The following DNAAF4 variants were observed in gnomAD, a reference collection of about 807,000 sequenced individuals.
DNAAF4 encodes the protein dynein axonemal assembly factor 4.
Under a neutral mutation model 51.8 loss-of-function variants are expected in DNAAF4, and 43 were observed. The observed-to-expected ratio is 0.83, with a 90% CI of 0.65 to 1.07. The LOEUF is 1.07. DNAAF4 is among the 50% of genes least tolerant of loss of function. The pLI, the probability that DNAAF4 is intolerant of heterozygous loss-of-function variation, is 0.00. For missense variants in DNAAF4, 581 were observed against 493.0 expected, an observed-to-expected ratio of 1.18 and a Z score of -1.69; for synonymous variants, 194 against 165.6, an observed-to-expected ratio of 1.17 and a Z score of -1.32.
Position 55,497,771 on chromosome 15 carries a change from A to C in DNAAF4, c.212T>G (p.Ile71Ser). 1 of 1,614,132 alleles carries C rather than the reference A, an allele frequency of 6.2e-7. No individual in the cohort carries two copies. Among genetic ancestry groups the C allele is most frequent in the Non-Finnish European group, 8.5e-7 (1 of 1,180,018 alleles). ...TTCTTTTTTATACAAGGTGAAGACA[A>C]TGGTGTCATTCCCAATCTTTGCTTT... is the stretch of plus-strand genomic sequence containing the variant. ...SSKAKIGNDT[I>S]VFTLYKKEAA... Residue 71 changes from isoleucine to serine, a missense_variant, in exon 3 of 10, where the codon ATT becomes AGT. Coordinates refer to ENST00000321149, the MANE Select transcript of DNAAF4 (RefSeq NM_130810.4).
In DNAAF4 at chr15:55,431,512, T is replaced by A. The variant is rs558734062; in HGVS notation, c.1154-733A>T. 1.3e-3 allele frequency among the ~76,000 whole-genome samples: 202 copies of A among 150,710 alleles called. 3 individuals carry two copies. The South Asian group carries it at 0.019, about 14-fold the overall frequency. On this transcript the variant is annotated intron_variant, in intron 9 of 9. Coordinates refer to ENST00000321149, the MANE Select transcript of DNAAF4 (RefSeq NM_130810.4). ...TTTTTGGAGACAGAGTCTTGCTCTG[T>A]CACCCAGGCTGTAGCGCAGTGGCGT...
intron 6 of DNAAF4, among the ~76,000 whole-genome samples, chr15:55,443,805 G>C (rs1567007475): frequency 6.6e-6 from 1 of 152,200 alleles, no homozygotes; most frequent in African/African-American, 2.4e-5. Context: ...CAGTGATGAT[G>C]AGCATTTTTT....
intron 7 of DNAAF4, among the ~76,000 whole-genome samples, chr15:55,436,018 T>C (rs7169910): frequency 0.98 from 149,662 of 152,302 alleles, 73,583 homozygotes; most frequent in East Asian, 1. Flanking sequence ...GAACTCCCGA[T>C]CTCAGGTGAT....
intron 9 of DNAAF4, among the ~76,000 whole-genome samples, chr15:55,432,090 G>T (rs1238853171): frequency 6.6e-6 from 1 of 151,982 alleles, no homozygotes; most frequent in Non-Finnish European, 1.5e-5. Flanking sequence ...CAAGTAGCTG[G>T]GATTACAGGC....
At chr15:55,432,658 G>C (rs1456917580) in intron 8 of DNAAF4, 56 bp from the exon 9 acceptor site, 14 of 1,488,416 alleles carry the variant, frequency 9.4e-6, no homozygotes, top group Non-Finnish European at 9.2e-6. Flanking sequence ...ATTTAAACAA[G>C]CAAAAGGCTG....
Position 55,423,853 on chromosome 15 carries a change from C to T in DNAAF4, c.1048-5720G>A, listed in dbSNP as rs1566995295. ...CCTGTAATCCCAGCATTTTGGGAGG[C>T]CAAGGTGGGCAAATCGCCAGAGGTC... On this transcript the variant is annotated intron_variant, in intron 7 of 7. Transcript: ENST00000448430. Among the ~76,000 whole-genome samples, 3 of 152,184 alleles carry T rather than the reference C, an allele frequency of 2.0e-5. No homozygotes were observed. In the East Asian group the frequency reaches 5.8e-4, roughly 29 times the overall value.
intron 7 of DNAAF4, chr15:55,418,573 A>C: frequency 7.0e-7 from 1 of 1,427,014 alleles, no homozygotes; most frequent in South Asian, 1.3e-5. Context: ...CTCTATGAAA[A>C]TATATTCCTT....
intron 1 of DNAAF4, among the ~76,000 whole-genome samples, chr15:55,502,986 G>A (rs935973271): frequency 4.6e-5 from 7 of 152,100 alleles, no homozygotes; most frequent in African/African-American, 1.7e-4. Context: ...GAATCCAGCA[G>A]CTGGTTTTTT....
At chr15:55,493,913 A>T (rs895236814) in intron 3 of DNAAF4, among the ~76,000 whole-genome samples, 2 of 151,388 alleles carry the variant, frequency 1.3e-5, no homozygotes, top group Non-Finnish European at 2.9e-5. Context: ...TATGTTGCCC[A>T]GGCTGGTCTT....
intron 8 of DNAAF4, among the ~76,000 whole-genome samples, chr15:55,434,561 G>C (rs568718643): frequency 1.6e-4 from 25 of 152,178 alleles, no homozygotes; most frequent in African/African-American, 4.3e-4. Context: ...TGCCGGGCGC[G>C]GTGGCTCATG....
chr15:55,425,695 T>A (rs1030265416), downstream of DNAAF4, among the ~76,000 whole-genome samples: 2 of 152,238 alleles, frequency 1.3e-5, no homozygotes, highest in African/African-American at 4.8e-5. Context: ...TTAGGACTAA[T>A]ATTTTGACCT....
chr15:55,425,108 G>C (rs779034333), intron 7 of DNAAF4, among the ~76,000 whole-genome samples: 1 of 150,870 alleles, frequency 6.6e-6, no homozygotes, highest in South Asian at 2.1e-4. Context: ...CAGTTGATCC[G>C]CCCACCTCGG....
intron 6 of DNAAF4, among the ~76,000 whole-genome samples, chr15:55,446,946 A>G (rs2057837177): frequency 8.1e-6 from 1 of 123,924 alleles, no homozygotes. Flanking sequence ...CTCACATCCC[A>G]GATGATGGGC....
At chr15:55,425,496 C>A (rs1190679234), downstream of DNAAF4, among the ~76,000 whole-genome samples, 3 of 152,092 alleles carry the variant, frequency 2.0e-5, no homozygotes, top group Admixed American at 1.3e-4. Context: ...ATTTTTTATT[C>A]TCAGGCCTCA....
intron 5 of DNAAF4, among the ~76,000 whole-genome samples, chr15:55,465,204 T>C (rs1022532398): frequency 6.6e-6 from 1 of 152,096 alleles, no homozygotes; most frequent in African/African-American, 2.4e-5. Context: ...GATAGATGCC[T>C]TAAAGAACGA....
At chr15:55,425,531 G>C (rs913814076), downstream of DNAAF4, among the ~76,000 whole-genome samples, 1 of 152,004 alleles carries the variant, frequency 6.6e-6, no homozygotes, top group East Asian at 1.9e-4. Context: ...ACTAAGCCTC[G>C]TTCCATGCTG....
At chr15:55,438,439 G>A (rs1347300739) in intron 7 of DNAAF4, among the ~76,000 whole-genome samples, 1 of 151,234 alleles carries the variant, frequency 6.6e-6, no homozygotes, top group Non-Finnish European at 1.5e-5. Flanking sequence ...AATCTTTTTT[G>A]TGTTTACATC....
chr15:55,470,956 T>G (rs2058246818), intron 4 of DNAAF4, among the ~76,000 whole-genome samples: 1 of 151,164 alleles, frequency 6.6e-6, no homozygotes, highest in Non-Finnish European at 1.5e-5. Flanking sequence ...TAGGCTCATG[T>G]GATCCTCTCA....
chr15:55,467,239 ATTAG>A lies in DNAAF4; in HGVS notation c.406-82_406-79del, dbSNP rs1280661452. 10 of 1,280,866 alleles carry A rather than the reference ATTAG, an allele frequency of 7.8e-6. No homozygotes were observed. In the East Asian group the frequency reaches 2.1e-4, roughly 27 times the overall value. The allele number at this position is 1,280,866 out of a possible 1,614,324, so 79.3% of individuals were successfully genotyped here. On this transcript the variant is annotated intron_variant, in intron 4 of 9. Transcript: ENST00000321149. Reference sequence around the variant, plus strand: ...TTTAAATGAGAAATTCATTACAATAATTAGTTATTCATACCTCTAAACTCTTGCC... The same window carrying A: ...TTTAAATGAGAAATTCATTACAATAATTATTCATACCTCTAAACTCTTGCC...
Sources: allele counts gnomAD v4.1 joint callset (sites outside exome capture counted in the v4.1 genomes callset), GRCh38; gene constraint gnomAD v4.1.1; transcripts MANE v1.5; gene names NCBI Gene and HGNC (gene_info 2026-07-23, HGNC 2026-07-21).